The following EYA1 variants were observed in gnomAD, a reference collection of about 807,000 sequenced individuals.
EYA1 encodes the protein protein phosphatase EYA1.
Under a neutral mutation model 82.0 loss-of-function variants are expected in EYA1, and 16 were observed. The ratio of observed to expected loss-of-function variants is 0.20; its 90% confidence interval spans 0.13 to 0.30. The LOEUF (loss-of-function observed/expected upper bound fraction) is 0.30. Ranked by LOEUF, EYA1 falls within the 10% of genes least tolerant of loss-of-function variation. The pLI is 1.00. For missense variants in EYA1, 633 were observed against 730.7 expected (o/e 0.87, Z 1.54); for synonymous variants, 261 against 264.4 (o/e 0.99, Z 0.12).
chr8:71,522,519 T>A (rs1056003673), intron 2 of EYA1, among the ~76,000 whole-genome samples: 29 of 152,234 alleles, frequency 1.9e-4, no homozygotes, highest in African/African-American at 6.8e-4. Context: ...GAAAATCAGC[T>A]GATTTAATCT....
At chr8:71,517,723 A>G (rs1215358974) in intron 2 of EYA1, among the ~76,000 whole-genome samples, 1 of 140,480 alleles carries the variant, frequency 7.1e-6, no homozygotes, top group Non-Finnish European at 1.5e-5. Flanking sequence ...ATATATATAT[A>G]TATAACTGTA....
intron 7 of EYA1, among the ~76,000 whole-genome samples, chr8:71,308,148 T>A (rs1032515948): frequency 6.6e-6 from 1 of 152,214 alleles, no homozygotes; most frequent in African/African-American, 2.4e-5. Flanking sequence ...TCATGCCAAA[T>A]CTACCTTTTA....
intron 7 of EYA1, among the ~76,000 whole-genome samples, chr8:71,313,983 G>A (rs193262409): frequency 6.6e-6 from 1 of 152,190 alleles, no homozygotes. Flanking sequence ...TGAATAACTA[G>A]TCATCATACC....
At chr8:71,381,778 A>C (rs573424843) in intron 2 of EYA1, among the ~76,000 whole-genome samples, 1 of 151,910 alleles carries the variant, frequency 6.6e-6, no homozygotes, top group African/African-American at 2.4e-5. Context: ...TCCCCCTCCC[A>C]CCCCTACACA....
At chr8:71,355,131 T>C (rs1826733413) in intron 2 of EYA1, among the ~76,000 whole-genome samples, 1 of 152,228 alleles carries the variant, frequency 6.6e-6, no homozygotes, top group Admixed American at 6.5e-5. Flanking sequence ...GCCAGTCACA[T>C]GAAGCTTTTA....
intron 2 of EYA1, among the ~76,000 whole-genome samples, chr8:71,449,954 C>G (rs1334532868): frequency 6.6e-6 from 1 of 152,176 alleles, no homozygotes; most frequent in Non-Finnish European, 1.5e-5. Flanking sequence ...TGTCTGTTAG[C>G]TTCAAACTTT....
chr8:71,412,667 AT>A (rs1830670301), intron 2 of EYA1, among the ~76,000 whole-genome samples: 1 of 152,174 alleles, frequency 6.6e-6, no homozygotes, highest in South Asian at 2.1e-4. Flanking sequence ...TTAGTGTTAC[AT>A]TTTAAATACT....
rs538304053 is a variant in EYA1 at position 71,406,368 on chromosome 8, G to C, written c.34-49857C>G. The stretch of plus-strand genomic sequence containing the variant: ...CATAAAGAAATTGTTGTTGAGGGAG[G>C]AGCCAAGATGGCCGAATAGGAACAG... On this transcript the variant is annotated intron_variant, in intron 2 of 18. Coordinates refer to the EYA1 transcript ENST00000643681. Among the ~76,000 whole-genome samples, 11 of 152,290 alleles carry C rather than the reference G, an allele frequency of 7.2e-5. No homozygotes were observed. In the South Asian group the frequency reaches 1.2e-3, roughly 17 times the overall value.
chr8:71,405,926 C>G (rs1485538119), intron 2 of EYA1, among the ~76,000 whole-genome samples: 3 of 152,154 alleles, frequency 2.0e-5, no homozygotes, highest in African/African-American at 7.2e-5. Context: ...ATGGCATCCC[C>G]TGATCACAGC....
In EYA1 at chr8:71,469,668, C is replaced by T. The variant is rs374184212; in HGVS notation, c.33+66076G>A. On this transcript the variant is annotated intron_variant, in intron 2 of 18. Transcript: ENST00000643681. ...TAGCACATTTGGACTTAGGTGAATG[C>T]CCATTAGGTGCATCCCAGACTCACA... Among the ~76,000 whole-genome samples, 4 of 152,154 alleles carry T rather than the reference C, an allele frequency of 2.6e-5. No individual in the cohort carries two copies. The East Asian group carries it at 7.7e-4, about 29-fold the overall frequency.
At chr8:71,311,638 T>C (rs1017118926) in intron 7 of EYA1, among the ~76,000 whole-genome samples, 7 of 152,272 alleles carry the variant, frequency 4.6e-5, no homozygotes, top group South Asian at 2.1e-4. Flanking sequence ...ATGTCAAAAA[T>C]GAATAAGCAA....
chr8:71,316,184 T>C (rs1295458413), intron 7 of EYA1, among the ~76,000 whole-genome samples: 1 of 152,146 alleles, frequency 6.6e-6, no homozygotes, highest in Admixed American at 6.5e-5. Context: ...AGGTATCAAA[T>C]GTGTATACTT....
chr8:71,514,260 T>A (rs532890513), intron 2 of EYA1, among the ~76,000 whole-genome samples: 1 of 152,154 alleles, frequency 6.6e-6, no homozygotes, highest in Non-Finnish European at 1.5e-5. Context: ...TAAGTTGATA[T>A]AACTTGTAAA....
intron 7 of EYA1, among the ~76,000 whole-genome samples, chr8:71,312,115 T>C (rs1220371202): frequency 1.3e-5 from 2 of 152,332 alleles, no homozygotes; most frequent in African/African-American, 2.4e-5. Context: ...TGCTCAGAAA[T>C]GAGTTTTCTA....
intron 2 of EYA1, among the ~76,000 whole-genome samples, chr8:71,455,902 C>G (rs1243688774): frequency 3.9e-5 from 6 of 151,976 alleles, no homozygotes; most frequent in South Asian, 2.1e-4. Flanking sequence ...GGAAGTTCTG[C>G]CCAGGGCAAT....
exon 2 of EYA1, chr8:71,535,846 C>G (rs771887927): frequency 7.4e-6 from 7 of 946,240 alleles, no homozygotes; most frequent in Non-Finnish European, 9.1e-6. Flanking sequence ...AACACCCCTG[C>G]ACCTGTGAAC....
rs140471232 is a variant in EYA1, at chr8:71,379,253, C to G, written c.34-22742G>C. Among the ~76,000 whole-genome samples, 485 of 152,188 alleles carry G rather than the reference C, an allele frequency of 3.2e-3. 7 individuals carry two copies. Among genetic ancestry groups the G allele is most frequent in the African/African-American group, 0.011 (463 of 41,510 alleles). On this transcript the variant is annotated intron_variant, in intron 2 of 18. Coordinates refer to the EYA1 transcript ENST00000643681. ...ACAAGACCATAGAGGACCAGCCACA[C>G]CTGTACATACTCCTACCCAGGTTTC...
chr8:71,459,779 C>A (rs1808230971), intron 2 of EYA1, among the ~76,000 whole-genome samples: 1 of 152,016 alleles, frequency 6.6e-6, no homozygotes, highest in Non-Finnish European at 1.5e-5. Flanking sequence ...TTCCTGGACT[C>A]AAATCCTCAT....
At chr8:71,212,430 T>C (rs1452134797) in intron 16 of EYA1, among the ~76,000 whole-genome samples, 3 of 152,222 alleles carry the variant, frequency 2.0e-5, no homozygotes, top group Admixed American at 6.5e-5. Context: ...AAAACTTCGA[T>C]GTCATGAAAG....
Sources: allele counts gnomAD v4.1 joint callset (sites outside exome capture counted in the v4.1 genomes callset), GRCh38; gene constraint gnomAD v4.1.1; transcripts MANE v1.5; gene names NCBI Gene and HGNC (gene_info 2026-07-23, HGNC 2026-07-21).